The following PDE11A variants were observed in gnomAD, a reference collection of about 807,000 sequenced individuals.
The protein encoded by PDE11A is phosphodiesterase 11A.
A neutral mutation model predicts 100.5 loss-of-function variants in PDE11A; 100 were observed. That is an observed-to-expected ratio of 1.00 (90% CI 0.85 to 1.18). PDE11A has a LOEUF of 1.18. Ranked by LOEUF, PDE11A falls within the 50% of genes most tolerant of loss-of-function variation. The pLI is 0.00. For missense variants in PDE11A, 1,141 were observed against 1,152.6 expected (o/e 0.99, Z 0.15); for synonymous variants, 381 against 420.8 (o/e 0.91, Z 1.16).
chr2:177,999,348 G>A (rs1473157609), intron 2 of PDE11A, among the ~76,000 whole-genome samples: 2 of 152,216 alleles, frequency 1.3e-5, no homozygotes, highest in African/African-American at 4.8e-5. Context: ...GACTTATTCT[G>A]ATGCCTCACT....
At chr2:177,852,727 G>C (rs2083736564) in intron 5 of PDE11A, among the ~76,000 whole-genome samples, 1 of 152,150 alleles carries the variant, frequency 6.6e-6, no homozygotes, top group Non-Finnish European at 1.5e-5. Context: ...GTCATATAAA[G>C]TAATGGGAGA....
At chr2:177,969,232 C>T (rs1466323250) in intron 2 of PDE11A, among the ~76,000 whole-genome samples, 1 of 152,008 alleles carries the variant, frequency 6.6e-6, no homozygotes, top group Non-Finnish European at 1.5e-5. Context: ...AACACATGGA[C>T]ACAGGGAGGG....
At chr2:178,082,887 T>C (rs2087304337) in intron 2 of PDE11A, among the ~76,000 whole-genome samples, 1 of 152,074 alleles carries the variant, frequency 6.6e-6, no homozygotes, top group Admixed American at 6.5e-5. Flanking sequence ...AGGAGAGAGT[T>C]AGCCAGGGAG....
chr2:177,845,395 G>C (rs2083573417), intron 5 of PDE11A, among the ~76,000 whole-genome samples: 2 of 151,316 alleles, frequency 1.3e-5, no homozygotes, highest in Non-Finnish European at 3.0e-5. Flanking sequence ...CCCAGACGGG[G>C]CAGCGGGGCA....
intron 9 of PDE11A, among the ~76,000 whole-genome samples, chr2:177,779,725 C>T (rs186587003): frequency 9.7e-4 from 148 of 152,340 alleles, no homozygotes; most frequent in African/African-American, 3.4e-3. Context: ...TCTGCAGTTA[C>T]TTCCTCCACT....
In PDE11A at chr2:177,835,331, G is replaced by A. The variant is rs1006456348; in HGVS notation, c.1500+4920C>T. 2.0e-5 allele frequency among the ~76,000 whole-genome samples: 3 copies of A among 152,268 alleles called. No individual in the cohort carries two copies. In the East Asian group the frequency reaches 5.8e-4, roughly 29 times the overall value. ...CTCAAATGCATCCTGAGGCAGGGGG[G>A]CTCCTTAGAGAAAATGCCTTCTTTT... On this transcript the variant is annotated intron_variant, in intron 6 of 19. Coordinates refer to ENST00000286063, the MANE Select transcript of PDE11A (RefSeq NM_016953.4).
chr2:177,840,140 C>T (rs553781618), intron 6 of PDE11A, 111 bp downstream of exon 6: 26 of 1,123,496 alleles, frequency 2.3e-5, no homozygotes, highest in Middle Eastern at 2.0e-4. Flanking sequence ...AATAAGATCA[C>T]AGGGGAAGGA....
intron 2 of PDE11A, among the ~76,000 whole-genome samples, chr2:177,915,454 CT>C: frequency 6.6e-6 from 1 of 152,298 alleles, no homozygotes; most frequent in East Asian, 1.9e-4. Flanking sequence ...AGTATATATC[CT>C]TTTCAGATTG....
chr2:177,652,003 G>A (rs972950010), intron 19 of PDE11A, among the ~76,000 whole-genome samples: 2 of 152,206 alleles, frequency 1.3e-5, no homozygotes, highest in Non-Finnish European at 2.9e-5. Flanking sequence ...ATAAGATGCT[G>A]AGGAAATGCA....
intron 10 of PDE11A, among the ~76,000 whole-genome samples, chr2:177,755,605 T>TC (rs2082080765): frequency 6.6e-6 from 1 of 152,186 alleles, no homozygotes; most frequent in Non-Finnish European, 1.5e-5. Context: ...TGACACACTT[T>TC]CCTAAGCACA....
chr2:177,822,152 G>A (rs1386718522), intron 6 of PDE11A, among the ~76,000 whole-genome samples: 2 of 151,800 alleles, frequency 1.3e-5, no homozygotes, highest in Non-Finnish European at 2.9e-5. Context: ...TTGTTCAAGA[G>A]ATCTTTCTGT....
In PDE11A at chr2:177,898,046, A is replaced by G; in HGVS notation, c.1302+12T>C. 6.2e-7 allele frequency: 1 copy of G among 1,600,728 alleles called. No individual in the cohort carries two copies. Among genetic ancestry groups the G allele is most frequent in the Non-Finnish European group, 8.6e-7 (1 of 1,167,726 alleles). On this transcript the variant is annotated intron_variant, in intron 4 of 19. Coordinates refer to ENST00000286063, the MANE Select transcript of PDE11A (RefSeq NM_016953.4). Reference sequence around the variant, plus strand: ...CACAGTCTTCAACTTTAAAAGATAAAAGATAACTTACTGGTGATTCGATGT... The same window carrying G: ...CACAGTCTTCAACTTTAAAAGATAAGAGATAACTTACTGGTGATTCGATGT...
intron 6 of PDE11A, among the ~76,000 whole-genome samples, chr2:177,838,794 T>C (rs768525112): frequency 1.6e-4 from 24 of 152,214 alleles, no homozygotes; most frequent in Non-Finnish European, 2.6e-4. Context: ...GCTCCAGTCA[T>C]ATAACCAAGT....
intron 19 of PDE11A, among the ~76,000 whole-genome samples, chr2:177,634,392 T>C (rs1243115413): frequency 6.7e-6 from 1 of 149,496 alleles, no homozygotes; most frequent in Non-Finnish European, 1.5e-5. Flanking sequence ...CTCTCTCTCT[T>C]TTTTTTTTTT....
At chr2:177,642,161 C>T (rs1316112951) in intron 19 of PDE11A, among the ~76,000 whole-genome samples, 1 of 152,208 alleles carries the variant, frequency 6.6e-6, no homozygotes, top group Non-Finnish European at 1.5e-5. Flanking sequence ...GCCTGTTTAT[C>T]TTCAGGAATA....
chr2:178,018,596 A>C, intron 1 of PDE11A: 1 of 307,220 alleles, frequency 3.3e-6, no homozygotes, highest in Non-Finnish European at 6.4e-6. Context: ...TTGAGACAAA[A>C]CTCTTTGGTG....
At chr2:178,084,002 C>T (rs1281026668) in intron 2 of PDE11A, among the ~76,000 whole-genome samples, 3 of 152,184 alleles carry the variant, frequency 2.0e-5, no homozygotes, top group South Asian at 4.1e-4. Context: ...TATATAGATA[C>T]GTTCATATAT....
At chr2:177,986,547 T>C (rs1171048314) in intron 2 of PDE11A, among the ~76,000 whole-genome samples, 1 of 152,064 alleles carries the variant, frequency 6.6e-6, no homozygotes, top group Admixed American at 6.6e-5. Flanking sequence ...ATGGGGATAA[T>C]GGGGCCAGGC....
At position 177,933,096 on chromosome 2, in the gene PDE11A, A is replaced by T. The variant is rs1369854328; in HGVS notation, c.1072-27909T>A. 2.6e-5 allele frequency among the ~76,000 whole-genome samples: 4 copies of T among 152,132 alleles called. No individual in the cohort carries two copies. In the South Asian group the frequency reaches 8.3e-4, roughly 32 times the overall value. ...CACACACACACACACACACAAATAA[A>T]ATACCTAGGAATACATCTAACCAAG... On this transcript the variant is annotated intron_variant, in intron 2 of 19. Transcript: ENST00000286063.
Sources: allele counts gnomAD v4.1 joint callset (sites outside exome capture counted in the v4.1 genomes callset), GRCh38; gene constraint gnomAD v4.1.1; transcripts MANE v1.5; gene names NCBI Gene and HGNC (gene_info 2026-07-23, HGNC 2026-07-21).